Variants in MALRD1 observed in about 807,000 individuals in gnomAD.
The protein encoded by MALRD1 is MAM and LDL-receptor class A domain-containing protein 1.
In MALRD1, 247 loss-of-function variants were observed where a neutral mutation model predicts 242.1. The ratio of observed to expected loss-of-function variants is 1.02; its 90% CI spans 0.92 to 1.13. MALRD1 has a LOEUF of 1.13. Ranked by LOEUF, MALRD1 falls within the 50% of genes most tolerant of loss-of-function variation. The pLI is 0.00. For missense variants in MALRD1, 2,989 were observed against 2,533.1 expected (o/e 1.18, Z -3.86); for synonymous variants, 995 against 866.6 (o/e 1.15, Z -2.60).
chr10:19,649,824 G>C (rs1442096903), intron 36 of MALRD1, among the ~76,000 whole-genome samples: 1 of 152,080 alleles, frequency 6.6e-6, no homozygotes, highest in East Asian at 1.9e-4. Flanking sequence ...GGATGGTATT[G>C]CCTAGCTTGT....
Position 19,165,675 on chromosome 10 carries a change from C to G in MALRD1, c.1695C>G (p.Leu565=). The G allele has an allele frequency of 2.4e-6, 3 of 1,231,646 alleles. No homozygotes were observed. Among genetic ancestry groups the G allele is most frequent in the South Asian group, 4.1e-5 (1 of 24,310 alleles). 76.3% of individuals were successfully genotyped at this position (1,231,646 alleles called of 1,614,324 possible). A position where few individuals can be genotyped will look rare whatever the true frequency, so the allele number is the denominator to read the frequency against. The stretch of plus-strand genomic sequence containing the variant: ...ATCATTTGTCTCAACATTCAAATCT[C>G]TCAGTTTTTACAAGAACGTCTCTAG... ...FWYHLSQHSN[L]SVFTRTSLDG... The change falls in exon 13 of 40, where the codon CTC becomes CTG. Residue 565 remains leucine, a synonymous_variant. Transcript: ENST00000454679.
At position 19,128,259 on chromosome 10, in the gene MALRD1, C is replaced by G. The variant is rs1837344226; in HGVS notation, c.982C>G (p.Leu328Val). 8.1e-7 allele frequency: 1 copy of G among 1,233,526 alleles called. No homozygotes were observed. The highest frequency in any genetic ancestry group is 1.0e-6 in the Non-Finnish European group (1 of 987,870). The allele number at this position is 1,233,526 out of a possible 1,614,324, so 76.4% of individuals were successfully genotyped here. ...GGTAGGCGCTAAGCATGGTTTCACT[C>G]TTAACCATTTAGACAGCAGGGCTTA... ...VWVGAKHGFT[L>V]NHLDSRAYLN... Residue 328 changes from leucine to valine, a missense_variant, in exon 8 of 40, where the codon CTT becomes GTT. By Grantham distance (32) the Leu-to-Val change is conservative (BLOSUM62 1). Coordinates refer to ENST00000454679, the MANE Select transcript of MALRD1 (RefSeq NM_001142308.3).
At chr10:19,315,589 AAAT>A (rs1842657238) in intron 21 of MALRD1, among the ~76,000 whole-genome samples, 5 of 60,382 alleles carry the variant, frequency 8.3e-5, no homozygotes, top group East Asian at 6.4e-4. Flanking sequence ...TATAAATTAT[AAAT>A]ATTTATATAA....
At chr10:19,244,228 G>T (rs748185158) in intron 18 of MALRD1, among the ~76,000 whole-genome samples, 6 of 152,016 alleles carry the variant, frequency 3.9e-5, no homozygotes, top group Non-Finnish European at 5.9e-5. Flanking sequence ...GGTTCCTTAG[G>T]CTTCTTATCT....
intron 28 of MALRD1, among the ~76,000 whole-genome samples, chr10:19,448,022 T>G (rs1835099075): frequency 6.6e-6 from 1 of 152,188 alleles, no homozygotes; most frequent in African/African-American, 2.4e-5. Context: ...AACTGATGCA[T>G]AGTTGTGCTC....
chr10:19,507,957 C>T (rs915088996), intron 31 of MALRD1, among the ~76,000 whole-genome samples: 2 of 152,076 alleles, frequency 1.3e-5, no homozygotes, highest in Non-Finnish European at 2.9e-5. Context: ...CTTGGAATAT[C>T]TGTTGAATAA....
At chr10:19,518,725 T>C (rs1356460416) in intron 31 of MALRD1, among the ~76,000 whole-genome samples, 1 of 152,194 alleles carries the variant, frequency 6.6e-6, no homozygotes, top group African/African-American at 2.4e-5. Flanking sequence ...GTACTTTTCT[T>C]AATAAAATGT....
At chr10:19,055,481 A>G (rs767788684) in intron 1 of MALRD1, among the ~76,000 whole-genome samples, 3 of 152,158 alleles carry the variant, frequency 2.0e-5, no homozygotes, top group Non-Finnish European at 4.4e-5. Context: ...GCCTGTACCA[A>G]TGTCATGGAG....
At chr10:19,645,202 T>C (rs1016246065) in intron 36 of MALRD1, among the ~76,000 whole-genome samples, 2 of 152,130 alleles carry the variant, frequency 1.3e-5, no homozygotes, top group African/African-American at 4.8e-5. Flanking sequence ...CCAATTAGAA[T>C]GGCGATCATT....
intron 10 of MALRD1, 59 bp from the exon 11 acceptor site, chr10:19,146,139 A>G (rs1479961833): frequency 2.7e-5 from 32 of 1,193,284 alleles, no homozygotes; most frequent in Non-Finnish European, 3.0e-5. Flanking sequence ...AGCGTAGAGC[A>G]GTGTTTGCCT....
intron 28 of MALRD1, among the ~76,000 whole-genome samples, chr10:19,401,043 G>GA (rs1356417820): frequency 2.6e-5 from 4 of 151,804 alleles, no homozygotes; most frequent in Non-Finnish European, 4.4e-5. Flanking sequence ...AAAAGAAGAA[G>GA]AAGAAAGAAA....
chr10:19,682,335 GCA>G lies in MALRD1; in HGVS notation c.6138-9943_6138-9942del, dbSNP rs1842408170. Among the ~76,000 whole-genome samples, 3 of 152,116 alleles carry G rather than the reference GCA, an allele frequency of 2.0e-5. No individual in the cohort carries two copies. In the South Asian group the frequency reaches 6.2e-4, roughly 32 times the overall value. ...GTGAGTAATGAATGGGTGTTACCAGGCACACTCAGAAATAAGTTATTTCAAAA... is the reference window on the plus strand; with the variant it reads ...GTGAGTAATGAATGGGTGTTACCAGGCACTCAGAAATAAGTTATTTCAAAA... On this transcript the variant is annotated intron_variant, in intron 36 of 39. Coordinates refer to ENST00000454679, the MANE Select transcript of MALRD1 (RefSeq NM_001142308.3).
At chr10:19,391,785 A>C (rs538644520) in intron 28 of MALRD1, among the ~76,000 whole-genome samples, 1 of 152,274 alleles carries the variant, frequency 6.6e-6, no homozygotes. Context: ...ATTCTAGTTC[A>C]ACCAACTGAT....
chr10:19,580,564 TGTGTG>T (rs1299246000), intron 33 of MALRD1, among the ~76,000 whole-genome samples: 2 of 152,160 alleles, frequency 1.3e-5, no homozygotes, highest in African/African-American at 4.8e-5. Context: ...TGCCTCTGGA[TGTGTG>T]TACATGCATG....
intron 29 of MALRD1, among the ~76,000 whole-genome samples, chr10:19,452,375 G>C (rs1044947123): frequency 6.6e-6 from 1 of 152,128 alleles, no homozygotes; most frequent in Admixed American, 6.5e-5. Context: ...CCAACACTTG[G>C]CTTACTAAGT....
At chr10:19,713,743 T>C (rs886981599) in intron 38 of MALRD1, among the ~76,000 whole-genome samples, 1 of 152,196 alleles carries the variant, frequency 6.6e-6, no homozygotes, top group African/African-American at 2.4e-5. Flanking sequence ...GAGAAAGTAC[T>C]AGACACCCTC....
At chr10:19,384,958 A>C (rs1846017101) in intron 26 of MALRD1, among the ~76,000 whole-genome samples, 1 of 151,574 alleles carries the variant, frequency 6.6e-6, no homozygotes, top group African/African-American at 2.4e-5. Context: ...ATAGTTTAAG[A>C]GATTTTATTA....
At chr10:19,404,658 T>C (rs7907773) in intron 28 of MALRD1, among the ~76,000 whole-genome samples, 127,429 of 151,816 alleles carry the variant, frequency 0.84, 53,798 homozygotes, top group African/African-American at 0.87. Flanking sequence ...CACTTTGTTT[T>C]CCTAGACCTC....
intron 26 of MALRD1, among the ~76,000 whole-genome samples, chr10:19,379,222 T>A (rs1845734303): frequency 6.6e-6 from 1 of 152,154 alleles, no homozygotes; most frequent in Non-Finnish European, 1.5e-5. Context: ...TGATGTTTTA[T>A]CAGTTTTACT....
Sources: gnomAD v4.1 joint callset for allele counts (sites outside exome capture counted in the v4.1 genomes callset) on GRCh38, gnomAD v4.1.1 for gene constraint, MANE v1.5 for transcripts, NCBI Gene and HGNC (gene_info 2026-07-23, HGNC 2026-07-21) for gene names.